PDE4D: variants seen among roughly 807,000 people sequenced by gnomAD.
The protein encoded by PDE4D is phosphodiesterase 4D, also known as 3',5'-cyclic-AMP phosphodiesterase 4D.
Under a neutral mutation model 87.4 loss-of-function variants are expected in PDE4D, and 24 were observed. The observed-to-expected ratio is 0.27, with a 90% CI of 0.20 to 0.39. The LOEUF (loss-of-function observed/expected upper bound fraction) is 0.39, where lower values mean the gene tolerates loss of function less well. Among genes scored for constraint, PDE4D ranks in the 10% least tolerant of loss-of-function variants. PDE4D has a pLI of 1.00. For missense variants in PDE4D, 714 were observed against 1,041.0 expected, an observed-to-expected ratio of 0.69 and a Z score of 4.32; for synonymous variants, 384 against 383.2, an observed-to-expected ratio of 1.00 and a Z score of -0.02.
chr5:59,836,655 T>TATCA (rs1554095540), intron 1 of PDE4D, among the ~76,000 whole-genome samples: 1 of 149,696 alleles, frequency 6.7e-6, no homozygotes, highest in South Asian at 2.1e-4. Context: ...TCTATCTATC[T>TATCA]ATCATCTATC....
At chr5:59,251,661 C>A (rs1240681533) in intron 1 of PDE4D, among the ~76,000 whole-genome samples, 1 of 152,096 alleles carries the variant, frequency 6.6e-6, no homozygotes, top group Admixed American at 6.6e-5. Flanking sequence ...TTTGACCATG[C>A]AATCCTATTA....
intron 6 of PDE4D, among the ~76,000 whole-genome samples, chr5:59,017,729 G>A (rs1022820473): frequency 6.6e-6 from 1 of 152,076 alleles, no homozygotes; most frequent in African/African-American, 2.4e-5. Context: ...CCTTATCCAA[G>A]GCCGCATAAT....
chr5:59,275,363 A>G, intron 1 of PDE4D: 1 of 1,597,418 alleles, frequency 6.3e-7, no homozygotes, highest in Non-Finnish European at 8.5e-7. Context: ...GTCCTTAGGG[A>G]ACTTGTAGAT....
intron 1 of PDE4D, chr5:59,314,919 GA>G (rs138428168): frequency 0.065 from 9,933 of 152,200 alleles, 418 homozygotes; most frequent in South Asian, 0.12. Flanking sequence ...AGATAAGAGG[GA>G]GGATCCCTGG....
intron 1 of PDE4D, among the ~76,000 whole-genome samples, chr5:60,201,745 T>C (rs1741938958): frequency 6.6e-6 from 1 of 152,166 alleles, no homozygotes; most frequent in South Asian, 2.1e-4. Context: ...ATCCAGAACA[T>C]TTCTGAAAGA....
At chr5:59,814,780 T>C (rs1013026855) in intron 1 of PDE4D, among the ~76,000 whole-genome samples, 1 of 151,976 alleles carries the variant, frequency 6.6e-6, no homozygotes, top group African/African-American at 2.4e-5. Context: ...TGTTCAGAAA[T>C]GTAATTCCTG....
At chr5:59,431,832 T>C (rs1562177063) in intron 1 of PDE4D, among the ~76,000 whole-genome samples, 1 of 152,100 alleles carries the variant, frequency 6.6e-6, no homozygotes, top group Admixed American at 6.6e-5. Flanking sequence ...CTTGTGTTCA[T>C]GAGTTCTCAT....
At chr5:59,590,565 C>A (rs1447614151) in intron 1 of PDE4D, among the ~76,000 whole-genome samples, 2 of 152,092 alleles carry the variant, frequency 1.3e-5, no homozygotes, top group Non-Finnish European at 1.5e-5. Context: ...TATGGCTAAT[C>A]TCAGCCCCAT....
intron 1 of PDE4D, among the ~76,000 whole-genome samples, chr5:60,508,610 A>C (rs1750424983): frequency 6.6e-6 from 1 of 152,228 alleles, no homozygotes; most frequent in Admixed American, 6.5e-5. Context: ...TGGCAGTTAC[A>C]TTCTATAAAG....
intron 1 of PDE4D, among the ~76,000 whole-genome samples, chr5:60,360,761 A>G (rs77210349): frequency 0.019 from 2,827 of 152,328 alleles, 76 homozygotes; most frequent in African/African-American, 0.065. Flanking sequence ...TATCACATGC[A>G]TGGTTGGCAT....
At chr5:59,437,684 G>C (rs1796980590) in intron 1 of PDE4D, among the ~76,000 whole-genome samples, 1 of 151,468 alleles carries the variant, frequency 6.6e-6, no homozygotes, top group South Asian at 2.1e-4. Flanking sequence ...ACAAGAAGTA[G>C]ATGGCATAAC....
At chr5:60,127,648 GC>G in intron 2 of PDE4D, 1 of 596,460 alleles carries the variant, frequency 1.7e-6, no homozygotes, top group South Asian at 2.0e-5. Context: ...AGTTTTAAGG[GC>G]CACAAGAGAA....
At chr5:59,621,959 C>A (rs879803081) in intron 1 of PDE4D, among the ~76,000 whole-genome samples, 25 of 152,046 alleles carry the variant, frequency 1.6e-4, no homozygotes, top group African/African-American at 6.0e-4. Context: ...TATATTTATA[C>A]GTTATAGTTT....
At chr5:59,229,756 G>T (rs1332298006) in intron 1 of PDE4D, among the ~76,000 whole-genome samples, 2 of 152,128 alleles carry the variant, frequency 1.3e-5, no homozygotes, top group African/African-American at 4.8e-5. Flanking sequence ...AAAGAAACTG[G>T]ATGGGTGAAA....
intron 1 of PDE4D, among the ~76,000 whole-genome samples, chr5:59,454,758 T>A (rs146650129): frequency 0.011 from 1,718 of 152,252 alleles, 25 homozygotes; most frequent in African/African-American, 0.039. Flanking sequence ...GTTGAGTGGC[T>A]TTGACAAAAA....
At chr5:59,883,212 T>G (rs962073005) in intron 1 of PDE4D, among the ~76,000 whole-genome samples, 1 of 152,176 alleles carries the variant, frequency 6.6e-6, no homozygotes, top group African/African-American at 2.4e-5. Context: ...ACAGAGCAGG[T>G]CAAAAAAGCA....
At chr5:59,958,542 A>G (rs1375135406) in intron 3 of PDE4D, among the ~76,000 whole-genome samples, 2 of 152,190 alleles carry the variant, frequency 1.3e-5, no homozygotes, top group Non-Finnish European at 2.9e-5. Context: ...CAGAGTTTTC[A>G]TCTTCAAAGA....
intron 2 of PDE4D, among the ~76,000 whole-genome samples, chr5:60,142,714 C>T (rs1027661656): frequency 2.0e-5 from 3 of 152,104 alleles, no homozygotes; most frequent in African/African-American, 7.2e-5. Context: ...ACCTGAATGC[C>T]CAGCTAATGT....
At chr5:60,189,361 A>T (rs10491402) in intron 1 of PDE4D, among the ~76,000 whole-genome samples, 2 of 152,168 alleles carry the variant, frequency 1.3e-5, no homozygotes, top group Admixed American at 6.5e-5. Flanking sequence ...TGAACTGGTC[A>T]TCAGATGAAA....
Sources: allele counts gnomAD v4.1 joint callset (sites outside exome capture counted in the v4.1 genomes callset), GRCh38; gene constraint gnomAD v4.1.1; transcripts MANE v1.5; gene names NCBI Gene and HGNC (gene_info 2026-07-23, HGNC 2026-07-21).